Variants in ABHD17B observed in about 807,000 individuals in gnomAD.
ABHD17B encodes abhydrolase domain containing 17B, depalmitoylase.
A neutral mutation model predicts 26.2 loss-of-function variants in ABHD17B; 9 were observed. The observed-to-expected ratio is 0.34, with a 90% CI of 0.21 to 0.60. The LOEUF is 0.60. Among genes scored for constraint, ABHD17B ranks in the 20% least tolerant of loss-of-function variants. The pLI, the probability that ABHD17B is intolerant of heterozygous loss-of-function variation, is 0.80. For synonymous variants in ABHD17B, 127 were observed against 122.3 expected (o/e 1.04, Z -0.25); for missense variants, 224 against 352.1 (o/e 0.64, Z 2.91).
chr9:71,911,151 G>A lies in ABHD17B; in HGVS notation c.-521C>T, dbSNP rs865977860. ...GAGGAAGACTGGAGGGGAACGGAGGGGACGAGCACAATCCCCACTGAGCCA... is the reference window on the plus strand; with the variant it reads ...GAGGAAGACTGGAGGGGAACGGAGGAGACGAGCACAATCCCCACTGAGCCA... On this transcript the variant is annotated 5_prime_UTR_variant, in exon 1 of 4. Transcript: ENST00000333421. Among the ~76,000 whole-genome samples, 7 of 152,152 alleles carry A rather than the reference G, an allele frequency of 4.6e-5. No individual in the cohort carries two copies. Among genetic ancestry groups the A allele is most frequent in the Admixed American group, 2.0e-4 (3 of 15,286 alleles).
chr9:71,873,937 A>G (rs1239236353), intron 2 of ABHD17B, among the ~76,000 whole-genome samples: 2 of 152,222 alleles, frequency 1.3e-5, no homozygotes, highest in South Asian at 2.1e-4. Flanking sequence ...AATAATTCCA[A>G]TAAGGTATCT....
At chr9:71,902,171 A>G (rs1412390389) in intron 1 of ABHD17B, among the ~76,000 whole-genome samples, 2 of 152,158 alleles carry the variant, frequency 1.3e-5, no homozygotes, top group Non-Finnish European at 2.9e-5. Context: ...TTTAAGCTGT[A>G]CTTCCTTCCG....
chr9:71,874,986 T>G lies in ABHD17B; in HGVS notation c.95A>C (p.Asp32Ala). Residue 32 changes from aspartate (D) to alanine (A), a missense_variant, in exon 2 of 4, where the codon GAT (aspartate) becomes GCT (alanine). Physicochemically the swap from Asp to Ala is moderately radical, Grantham distance 126 (BLOSUM62 -2). Transcript: ENST00000333421. ...ATCACACATCAGTGTGTAAGTTGGA[T>G]CAGGTGGCAAAAACGCTAATTTTGA... ...IASKLAFLPPDPTYTLMCDES... is the reference protein window; with the variant it reads ...IASKLAFLPPAPTYTLMCDES... 6.2e-7 allele frequency: 1 copy of G among 1,614,126 alleles called. No homozygotes were observed.
At chr9:71,880,239 T>C (rs2132153109) in intron 1 of ABHD17B, among the ~76,000 whole-genome samples, 1 of 152,250 alleles carries the variant, frequency 6.6e-6, no homozygotes, top group Middle Eastern at 3.4e-3. Flanking sequence ...AGAAAATGAA[T>C]GCTGCTCAAC....
chr9:71,910,038 T>A (rs191575259), intron 1 of ABHD17B, among the ~76,000 whole-genome samples: 1 of 152,152 alleles, frequency 6.6e-6, no homozygotes, highest in Admixed American at 6.5e-5. Flanking sequence ...TAAGCCTACC[T>A]TAGAGTTCGA....
intron 1 of ABHD17B, among the ~76,000 whole-genome samples, chr9:71,901,232 TTTTG>T (rs937257193): frequency 1.3e-5 from 2 of 152,132 alleles, no homozygotes; most frequent in African/African-American, 4.8e-5. Flanking sequence ...GAGTTGTTTT[TTTTG>T]TTTGTTTTTT....
At chr9:71,877,217 G>T (rs1826302845) in intron 1 of ABHD17B, among the ~76,000 whole-genome samples, 1 of 152,202 alleles carries the variant, frequency 6.6e-6, no homozygotes, top group South Asian at 2.1e-4. Context: ...TTCCAGAGGA[G>T]GAAATGACCT....
intron 1 of ABHD17B, among the ~76,000 whole-genome samples, chr9:71,883,485 A>T (rs1159677286): frequency 1.3e-5 from 2 of 152,212 alleles, no homozygotes; most frequent in Non-Finnish European, 2.9e-5. Context: ...GGGAAAACTT[A>T]CCACATGGGT....
downstream of ABHD17B, among the ~76,000 whole-genome samples, chr9:71,864,238 GAGA>G: frequency 1.6e-4 from 1 of 6,254 alleles, no homozygotes; most frequent in East Asian, 3.5e-3. Context: ...TTTTTTTTTT[GAGA>G]CAGAGTCTCG....
chr9:71,896,717 C>T (rs1182033239), intron 1 of ABHD17B, among the ~76,000 whole-genome samples: 1 of 150,388 alleles, frequency 6.6e-6, no homozygotes, highest in Non-Finnish European at 1.5e-5. Flanking sequence ...TATATATATA[C>T]CTTCTTCAAG....
chr9:71,875,153 C>T lies in ABHD17B; in HGVS notation c.-3-70G>A, dbSNP rs191106825. The T allele has an allele frequency of 3.0e-3, 3,669 of 1,218,514 alleles. 14 individuals carry two copies. Among genetic ancestry groups the T allele is most frequent in the Non-Finnish European group, 3.9e-3 (3,411 of 868,936 alleles). The allele number at this position is 1,218,514 out of a possible 1,614,324, so 75.5% of individuals were successfully genotyped here. On this transcript the variant is annotated intron_variant, in intron 1 of 3. Transcript: ENST00000333421. The stretch of plus-strand genomic sequence containing the variant: ...AGACTCATACAATAAAAAGTTAAAA[C>T]ACAGACATGGGTAAATTTTATTGGT...
intron 1 of ABHD17B, among the ~76,000 whole-genome samples, chr9:71,892,343 T>C (rs1352628056): frequency 6.6e-6 from 1 of 151,888 alleles, no homozygotes; most frequent in South Asian, 2.1e-4. Flanking sequence ...CCATCCTGGC[T>C]AACACGGTGA....
chr9:71,889,245 A>T (rs1394363568), intron 1 of ABHD17B, among the ~76,000 whole-genome samples: 1 of 151,342 alleles, frequency 6.6e-6, no homozygotes, highest in Non-Finnish European at 1.5e-5. Context: ...TGAACCTAGG[A>T]GGTACAGGCT....
In ABHD17B at chr9:71,877,707, C is replaced by T. The variant is rs149277500; in HGVS notation, c.-3-2624G>A. Among the ~76,000 whole-genome samples, 241 of 152,196 alleles carry T rather than the reference C, an allele frequency of 1.6e-3. 1 individual carries two copies. Among genetic ancestry groups the T allele is most frequent in the African/African-American group, 5.6e-3 (234 of 41,548 alleles). ...TGCTGGGATTACAGGCATGAGCCAC[C>T]GCACCCAGCAGAAAAACTTTCATAC... is the stretch of plus-strand genomic sequence containing the variant. On this transcript the variant is annotated intron_variant, in intron 1 of 3. Coordinates refer to ENST00000333421, the MANE Select transcript of ABHD17B (RefSeq NM_001025780.3).
At chr9:71,902,108 C>A (rs1477928761) in intron 1 of ABHD17B, among the ~76,000 whole-genome samples, 2 of 152,154 alleles carry the variant, frequency 1.3e-5, no homozygotes, top group African/African-American at 2.4e-5. Flanking sequence ...ATCTCCCCAA[C>A]TCATCACTCC....
intron 1 of ABHD17B, among the ~76,000 whole-genome samples, chr9:71,887,047 G>A (rs1488953742): frequency 6.6e-6 from 1 of 152,066 alleles, no homozygotes; most frequent in Non-Finnish European, 1.5e-5. Context: ...AACACCCTTA[G>A]AAGTGTGGGT....
intron 1 of ABHD17B, among the ~76,000 whole-genome samples, chr9:71,876,720 G>GA (rs139129707): frequency 9.2e-5 from 14 of 151,908 alleles, no homozygotes; most frequent in Non-Finnish European, 1.6e-4. Context: ...ATATCTGGGG[G>GA]AAAAAATGCC....
chr9:71,867,559 T>C (rs556196218), intron 3 of ABHD17B, among the ~76,000 whole-genome samples: 4 of 152,270 alleles, frequency 2.6e-5, no homozygotes, highest in East Asian at 1.9e-4. Flanking sequence ...TTTAGGCAGA[T>C]AGATGGTAAA....
At chr9:71,906,453 A>C (rs1827287499) in intron 1 of ABHD17B, among the ~76,000 whole-genome samples, 1 of 152,112 alleles carries the variant, frequency 6.6e-6, no homozygotes, top group African/African-American at 2.4e-5. Context: ...AATTACTACT[A>C]TTTCTTTTAG....
Sources: allele counts gnomAD v4.1 joint callset (sites outside exome capture counted in the v4.1 genomes callset), GRCh38; gene constraint gnomAD v4.1.1; transcripts MANE v1.5; gene names NCBI Gene and HGNC (gene_info 2026-07-23, HGNC 2026-07-21).